Variants in MDN1 observed in about 807,000 individuals in gnomAD.
The protein encoded by MDN1 is midasin.
In MDN1, 266 loss-of-function variants were observed where a neutral mutation model predicts 669.2. That is an observed-to-expected ratio of 0.40 (90% CI 0.36 to 0.44). The LOEUF is 0.44. Among genes scored for constraint, MDN1 ranks in the 20% least tolerant of loss-of-function variants. MDN1 has a pLI of 1.00. For missense variants in MDN1, 5,940 were observed against 6,754.0 expected, an observed-to-expected ratio of 0.88 and a Z score of 4.22; for synonymous variants, 2,385 against 2,457.1, an observed-to-expected ratio of 0.97 and a Z score of 0.87.
intron 15 of MDN1, among the ~76,000 whole-genome samples, chr6:89,767,273 G>C (rs1044466093): frequency 6.6e-6 from 1 of 152,078 alleles, no homozygotes; most frequent in African/African-American, 2.4e-5. Context: ...AAAATTAAAT[G>C]AAGGAAAAAG....
At chr6:89,721,521 C>T (rs1390049010) in intron 40 of MDN1, among the ~76,000 whole-genome samples, 1 of 151,124 alleles carries the variant, frequency 6.6e-6, no homozygotes, top group Non-Finnish European at 1.5e-5. Context: ...TTTAAAGAAG[C>T]AAAGAACTCA....
chr6:89,699,090 T>C, intron 58 of MDN1, 55 bp from the exon 59 acceptor site: 1 of 1,445,220 alleles, frequency 6.9e-7, no homozygotes, highest in South Asian at 1.2e-5. Flanking sequence ...CTCCATAAAT[T>C]ATTAGGTCTT....
chr6:89,808,318 G>C (rs961597514), intron 1 of MDN1, among the ~76,000 whole-genome samples: 1 of 152,064 alleles, frequency 6.6e-6, no homozygotes, highest in East Asian at 1.9e-4. Context: ...CTAGCAGGCA[G>C]TTAATCAGCT....
chr6:89,797,683 CA>C, intron 2 of MDN1: 1 of 476,404 alleles, frequency 2.1e-6, no homozygotes, highest in Non-Finnish European at 4.3e-6. Flanking sequence ...CAAAGTCTAC[CA>C]AAATCTGCCT....
chr6:89,695,604 C>T lies in MDN1; in HGVS notation c.9771+1G>A. On this transcript the variant is annotated splice_donor_variant, in intron 61 of 101. Transcript: ENST00000369393. LOFTEE classifies it high-confidence loss of function. The surrounding 1 kb of genome is among the most constrained non-coding windows in gnomAD (Gnocchi z 4.1). Reference sequence around the variant, plus strand: ...ATGCTCCATACTCTTGCCTCCCATACCTCTTCCTTGACGTAATTGAGCTTG... The same window carrying T: ...ATGCTCCATACTCTTGCCTCCCATATCTCTTCCTTGACGTAATTGAGCTTG... 6.3e-7 allele frequency: 1 copy of T among 1,586,436 alleles called. No individual in the cohort carries two copies. Among genetic ancestry groups the T allele is most frequent in the Non-Finnish European group, 8.6e-7 (1 of 1,161,328 alleles).
Position 89,658,498 on chromosome 6 carries a change from G to C in MDN1, c.15021+112C>G, listed in dbSNP as rs536718205. 2,194 of 1,527,158 alleles carry C rather than the reference G, an allele frequency of 1.4e-3. 7 individuals are homozygous for C. Among genetic ancestry groups the C allele is most frequent in the Non-Finnish European group, 1.8e-3 (1,984 of 1,127,392 alleles). The allele number at this position is 1,527,158 out of a possible 1,614,324, so 94.6% of individuals were successfully genotyped here. A position where few individuals can be genotyped will look rare whatever the true frequency, so the allele number is the denominator to read the frequency against. On this transcript the variant is annotated intron_variant, in intron 89 of 101. Coordinates refer to ENST00000369393, the MANE Select transcript of MDN1 (RefSeq NM_014611.3). ...TAAAACAGAAACCTAGAACTCCTCG[G>C]AAGTGCCACATGTTGATGGAGGAGT...
At chr6:89,804,509 A>T (rs1455226971) in intron 1 of MDN1, among the ~76,000 whole-genome samples, 2 of 152,202 alleles carry the variant, frequency 1.3e-5, no homozygotes, top group Admixed American at 6.5e-5. Flanking sequence ...CAGGGAATTC[A>T]AAACCCCAAA....
chr6:89,738,528 ATGT>A, intron 32 of MDN1, 73 bp from the exon 33 acceptor site: 1 of 1,549,118 alleles, frequency 6.5e-7, no homozygotes, highest in Non-Finnish European at 8.9e-7. Context: ...TCTTGAAAGA[ATGT>A]TGTTAGCTGT....
At chr6:89,792,281 G>A (rs907467148) in intron 5 of MDN1, among the ~76,000 whole-genome samples, 16 of 152,220 alleles carry the variant, frequency 1.1e-4, no homozygotes, top group Admixed American at 8.5e-4. Flanking sequence ...CTAAAAATAC[G>A]TGAGGATTAA....
chr6:89,650,650 G>A, intron 96 of MDN1, 82 bp downstream of exon 96: 1 of 1,028,918 alleles, frequency 9.7e-7, no homozygotes, highest in Non-Finnish European at 1.5e-6. Context: ...CACTATAAAT[G>A]GTTAGGTGCC....
rs75776170 is a variant in MDN1, at chr6:89,707,457, G to C, written c.7918C>G (p.Arg2640Gly). ...AANKTIIYLD[R>G]EKRVFTEANL... is the part of the protein sequence containing the mutation. Reference sequence around the variant, plus strand: ...GCTTCAGTAAAAACCCGTTTTTCCCGGTCAAGATATATGATTGTCCTGGAA... The same window carrying C: ...GCTTCAGTAAAAACCCGTTTTTCCCCGTCAAGATATATGATTGTCCTGGAA... Residue 2640 changes from arginine (R) to glycine (G), a missense_variant, in exon 52 of 102, where the codon CGG becomes GGG. Transcript: ENST00000369393. 6.2e-7 allele frequency: 1 copy of C among 1,611,634 alleles called. No homozygotes were observed. The highest frequency in any genetic ancestry group is 2.2e-5 in the East Asian group (1 of 44,840).
intron 1 of MDN1, among the ~76,000 whole-genome samples, chr6:89,806,650 G>A (rs1304559606): frequency 6.6e-5 from 10 of 152,108 alleles, no homozygotes; most frequent in South Asian, 2.1e-4. Flanking sequence ...CCCAGGAGGC[G>A]GAGGTTGCAG....
intron 82 of MDN1, 21 bp from the exon 83 acceptor site, chr6:89,671,101 A>T: frequency 6.2e-7 from 1 of 1,610,120 alleles, no homozygotes; most frequent in South Asian, 1.1e-5. Context: ...AACAAAACAA[A>T]AGGCCTGCTC....
chr6:89,776,499 A>G lies in MDN1; in HGVS notation c.1821+101T>C, dbSNP rs929919340. On this transcript the variant is annotated intron_variant, in intron 12 of 101. Coordinates refer to ENST00000369393, the MANE Select transcript of MDN1 (RefSeq NM_014611.3). ...CACCAACTTTTACAAAAGAGGTACC[A>G]CTGCAAAAGCTGTTCCAACTAAGGA... 11 of 784,988 alleles carry G rather than the reference A, an allele frequency of 1.4e-5. No individual in the cohort carries two copies. In the Admixed American group the frequency reaches 2.9e-4, roughly 21 times the overall value. The allele number at this position is 784,988 out of a possible 1,614,324, so 48.6% of individuals were successfully genotyped here. A position where few individuals can be genotyped will look rare whatever the true frequency, so the allele number is the denominator to read the frequency against.
At chr6:89,714,202 C>T (rs1179390404) in intron 46 of MDN1, among the ~76,000 whole-genome samples, 1 of 152,114 alleles carries the variant, frequency 6.6e-6, no homozygotes, top group Non-Finnish European at 1.5e-5. Flanking sequence ...CTCAAAGTTT[C>T]CTCTTTATTC....
rs776531740 is a variant in MDN1 at position 89,707,483 on chromosome 6, T to C, written c.7899-7A>G. ...GTCAAGATATATGATTGTCCTGGAA[T>C]GAGATTCAAAAAACGTAACAAATAG... On this transcript the variant is annotated splice_region_variant and splice_polypyrimidine_tract_variant and intron_variant, in intron 51 of 101. Coordinates refer to ENST00000369393, the MANE Select transcript of MDN1 (RefSeq NM_014611.3). 2 of 1,554,434 alleles carry C rather than the reference T, an allele frequency of 1.3e-6. No homozygotes were observed. Among genetic ancestry groups the C allele is most frequent in the Non-Finnish European group, 8.9e-7 (1 of 1,125,974 alleles).
At chr6:89,785,207 T>A (rs1818895165) in intron 8 of MDN1, 81 bp from the exon 9 acceptor site, 1 of 914,324 alleles carries the variant, frequency 1.1e-6, no homozygotes, top group Non-Finnish European at 1.8e-6. Context: ...TTACTTGCTG[T>A]ACACTGTCTC....
rs754572255 is a variant in MDN1 at position 89,712,162 on chromosome 6, A to T, written c.7525T>A (p.Trp2509Arg). 2.5e-6 allele frequency: 4 copies of T among 1,614,210 alleles called. No individual in the cohort carries two copies. The South Asian group carries it at 4.4e-5, about 18-fold the overall frequency. Reference sequence around the variant, plus strand: ...ACCAAAACATCTGGTTCATCGATCCAGTAAGTATTCACTTCGACTGCATTG... The same window carrying T: ...ACCAAAACATCTGGTTCATCGATCCTGTAAGTATTCACTTCGACTGCATTG... ...KFNAVEVNTYWIDEPDVLVMA... is the reference protein window; with the variant it reads ...KFNAVEVNTYRIDEPDVLVMA... Residue 2509 changes from tryptophan (W) to arginine (R), a missense_variant, in exon 49 of 102, where the codon TGG becomes AGG. This residue lies in a region of MDN1 where 2,292 missense variants were observed against 2,638.3 expected (regional missense o/e 0.87). Coordinates refer to ENST00000369393, the MANE Select transcript of MDN1 (RefSeq NM_014611.3).
chr6:89,772,770 T>G, intron 13 of MDN1, 49 bp from the exon 14 acceptor site: 12 of 1,593,604 alleles, frequency 7.5e-6, no homozygotes, highest in Non-Finnish European at 1.0e-5. Flanking sequence ...AAGCTTCTCC[T>G]AGTTTTGCTC....
Sources: allele counts gnomAD v4.1 joint callset (sites outside exome capture counted in the v4.1 genomes callset), GRCh38; gene constraint gnomAD v4.1.1; regional missense constraint gnomAD v4.1.1; non-coding constraint Gnocchi (gnomAD v3.1); transcripts MANE v1.5; gene names NCBI Gene and HGNC (gene_info 2026-07-23, HGNC 2026-07-21).